The following PTBP3 variants were observed in gnomAD, a reference collection of about 807,000 sequenced individuals.
The protein encoded by PTBP3 is polypyrimidine tract-binding protein 3.
A neutral mutation model predicts 58.7 loss-of-function variants in PTBP3; 20 were observed. The observed-to-expected ratio is 0.34, with a 90% CI of 0.24 to 0.50. The LOEUF (loss-of-function observed/expected upper bound fraction) is 0.50, where lower values mean the gene tolerates loss of function less well. Ranked by LOEUF, PTBP3 falls within the 20% of genes least tolerant of loss-of-function variation. PTBP3 has a pLI of 0.98. For missense variants in PTBP3, 509 were observed against 637.2 expected (o/e 0.80, Z 2.17); for synonymous variants, 185 against 219.8 (o/e 0.84, Z 1.40).
chr9:112,341,426 C>T, the PTBP3 span, among the ~76,000 whole-genome samples: 133 of 152,260 alleles, frequency 8.7e-4, no homozygotes, highest in Admixed American at 1.7e-3. Flanking sequence ...GCCACCATGC[C>T]TGGCCTCTGG....
chr9:112,271,206 G>C (rs1040551644), intron 3 of PTBP3, among the ~76,000 whole-genome samples: 2 of 152,178 alleles, frequency 1.3e-5, no homozygotes, highest in South Asian at 4.1e-4. Flanking sequence ...CTGAGGCACA[G>C]TCTGAGTATC....
At position 112,231,366 on chromosome 9, in the gene PTBP3, A is replaced by T. The variant is rs1470718967; in HGVS notation, c.1054+14T>A. On this transcript the variant is annotated intron_variant, in intron 10 of 13. Transcript: ENST00000374257. ...CACCTGTAGACAATAATAAAATAGC[A>T]AAAATGAACTTACCAAATAGGATAA... 6.3e-7 allele frequency: 1 copy of T among 1,576,538 alleles called. No homozygotes were observed. Among genetic ancestry groups the T allele is most frequent in the Non-Finnish European group, 8.7e-7 (1 of 1,154,244 alleles).
At position 112,232,161 on chromosome 9, in the gene PTBP3, T is replaced by C; in HGVS notation, c.958A>G (p.Ile320Val). ...TSSAVTGRMA[I>V]PGASGIPGNS... is the part of the protein sequence containing the mutation. The stretch of plus-strand genomic sequence containing the variant: ...CCTGGTATACCACTAGCCCCAGGAA[T>C]GGCCATCCTTCCAGTGACAGCAGAA... Residue 320 changes from isoleucine to valine, a missense_variant, in exon 9 of 14, where the codon ATT becomes GTT. Ile to Val is a conservative substitution (Grantham distance 29). This residue lies in a region of PTBP3 where 121 missense variants were observed against 114.8 expected (regional missense o/e 1.05). Transcript: ENST00000374257. 6.2e-7 allele frequency: 1 copy of C among 1,613,318 alleles called. No homozygotes were observed. The highest frequency in any genetic ancestry group is 2.2e-5 in the East Asian group (1 of 44,856).
chr9:112,229,982 T>G (rs1303610378), intron 10 of PTBP3, among the ~76,000 whole-genome samples: 1 of 152,192 alleles, frequency 6.6e-6, no homozygotes, highest in Non-Finnish European at 1.5e-5. Flanking sequence ...CATGCATCAA[T>G]CATTAATAAA....
intron 1 of PTBP3, among the ~76,000 whole-genome samples, chr9:112,308,844 T>C (rs1408910741): frequency 1.3e-5 from 2 of 152,190 alleles, no homozygotes; most frequent in Non-Finnish European, 2.9e-5. Flanking sequence ...GTCAGCTCTC[T>C]GGCTAAGTCA....
At chr9:112,348,827 C>CG in the PTBP3 span, among the ~76,000 whole-genome samples, 60 of 152,288 alleles carry the variant, frequency 3.9e-4, no homozygotes, top group African/African-American at 1.4e-3. Flanking sequence ...TACCACCCCC[C>CG]CTCCCAGATG....
At chr9:112,295,450 T>C (rs1234040334) in intron 2 of PTBP3, among the ~76,000 whole-genome samples, 2 of 150,214 alleles carry the variant, frequency 1.3e-5, no homozygotes, top group East Asian at 1.9e-4. Flanking sequence ...AGTGTACCCA[T>C]GTAGAGATGC....
At chr9:112,231,339 C>T (rs1449226924) in intron 10 of PTBP3, 41 bp downstream of exon 10, 14 of 1,498,606 alleles carry the variant, frequency 9.3e-6, no homozygotes, top group Non-Finnish European at 1.3e-5. Context: ...GTGCTCAATT[C>T]ACACCTGTAG....
At chr9:112,245,475 C>G (rs896269782) in intron 7 of PTBP3, among the ~76,000 whole-genome samples, 1 of 152,120 alleles carries the variant, frequency 6.6e-6, no homozygotes, top group African/African-American at 2.4e-5. Flanking sequence ...GGACAGGAAT[C>G]AGGATTTTCA....
chr9:112,220,504 G>A lies in PTBP3; in HGVS notation c.*3347C>T. ...CCAAAGAAGGCCTCACTGTCATAAG[G>A]GAACAGGCAGGCATAAATGATATCT... is the stretch of plus-strand genomic sequence containing the variant. On this transcript the variant is annotated 3_prime_UTR_variant, in exon 14 of 14. Coordinates refer to ENST00000374257, the MANE Select transcript of PTBP3 (RefSeq NM_001163788.4). 2 of 1,041,820 alleles carry A rather than the reference G, an allele frequency of 1.9e-6. No homozygotes were observed. The highest frequency in any genetic ancestry group is 2.3e-6 in the Non-Finnish European group (2 of 861,514). The allele number at this position is 1,041,820 out of a possible 1,614,324, so 64.5% of individuals were successfully genotyped here.
chr9:112,321,685 A>C (rs752756579), intron 1 of PTBP3, among the ~76,000 whole-genome samples: 5 of 152,150 alleles, frequency 3.3e-5, no homozygotes, highest in Non-Finnish European at 5.9e-5. Context: ...CCTTGTCTGG[A>C]GCAGAATCTG....
intron 1 of PTBP3, among the ~76,000 whole-genome samples, chr9:112,303,534 C>T (rs1461678019): frequency 6.6e-6 from 1 of 152,186 alleles, no homozygotes; most frequent in Non-Finnish European, 1.5e-5. Context: ...CAGCCCTCTG[C>T]CTTGGCTAAT....
chr9:112,265,696 ATGTT>A (rs1442089125), intron 4 of PTBP3, among the ~76,000 whole-genome samples: 1 of 152,186 alleles, frequency 6.6e-6, no homozygotes, highest in Non-Finnish European at 1.5e-5. Flanking sequence ...ACGTATAAGC[ATGTT>A]AGACGAGACT....
At chr9:112,229,038 G>A (rs1835101948) in intron 10 of PTBP3, among the ~76,000 whole-genome samples, 1 of 152,096 alleles carries the variant, frequency 6.6e-6, no homozygotes, top group Non-Finnish European at 1.5e-5. Flanking sequence ...CCTAAAGGAT[G>A]GGTAAAGTGA....
intron 2 of PTBP3, among the ~76,000 whole-genome samples, chr9:112,292,415 T>C (rs1201117910): frequency 6.6e-6 from 1 of 152,104 alleles, no homozygotes; most frequent in African/African-American, 2.4e-5. Flanking sequence ...GATCCAGCAA[T>C]CTCACTTCTG....
chr9:112,309,098 G>T (rs1829361278), intron 1 of PTBP3, among the ~76,000 whole-genome samples: 1 of 152,102 alleles, frequency 6.6e-6, no homozygotes, highest in Non-Finnish European at 1.5e-5. Flanking sequence ...AAATGCATAT[G>T]AAATTCAAGA....
chr9:112,298,923 A>G (rs939767775), intron 1 of PTBP3, among the ~76,000 whole-genome samples: 3 of 152,188 alleles, frequency 2.0e-5, no homozygotes, highest in African/African-American at 7.2e-5. Context: ...GAATAAGAAG[A>G]AGGAATTAAG....
At position 112,223,999 on chromosome 9, in the gene PTBP3, G is replaced by C. The variant is rs1169774033; in HGVS notation, c.1443-16C>G. The C allele has an allele frequency of 6.2e-7, 1 of 1,606,310 alleles. No individual in the cohort carries two copies. Among genetic ancestry groups the C allele is most frequent in the Non-Finnish European group, 8.5e-7 (1 of 1,175,664 alleles). The stretch of plus-strand genomic sequence containing the variant: ...GCGATCTTTCCTGAAAATGGTATAA[G>C]AAATACAGAAAGTATTTAGAATGAA... On this transcript the variant is annotated splice_polypyrimidine_tract_variant and intron_variant, in intron 13 of 13. Coordinates refer to ENST00000374257, the MANE Select transcript of PTBP3 (RefSeq NM_001163788.4).
At chr9:112,320,930 G>GA (rs1471025501) in intron 1 of PTBP3, among the ~76,000 whole-genome samples, 1 of 152,078 alleles carries the variant, frequency 6.6e-6, no homozygotes, top group Non-Finnish European at 1.5e-5. Flanking sequence ...AAATAAATGA[G>GA]AAAATCTTCC....
Sources: allele counts gnomAD v4.1 joint callset (sites outside exome capture counted in the v4.1 genomes callset), GRCh38; gene constraint gnomAD v4.1.1; regional missense constraint gnomAD v4.1.1; transcripts MANE v1.5; gene names NCBI Gene and HGNC (gene_info 2026-07-23, HGNC 2026-07-21).